The following LPA variants were observed in gnomAD, a reference collection of about 807,000 sequenced individuals.
The protein encoded by LPA is apolipoprotein(a).
In LPA, 199 loss-of-function variants were observed where a neutral mutation model predicts 197.9. That is an observed-to-expected ratio of 1.01 (90% CI 0.90 to 1.13). The LOEUF (loss-of-function observed/expected upper bound fraction) is 1.13. Among genes scored for constraint, LPA ranks in the 50% most tolerant of loss-of-function variants. The pLI, the probability that LPA is intolerant of heterozygous loss-of-function variation, is 0.00. For synonymous variants in LPA, 715 were observed against 639.5 expected, an observed-to-expected ratio of 1.12 and a Z score of -1.78; for missense variants, 1,853 against 1,785.8, an observed-to-expected ratio of 1.04 and a Z score of -0.68.
At chr6:160,615,364 G>T (rs1411933992) in intron 14 of LPA, among the ~76,000 whole-genome samples, 2 of 137,388 alleles carry the variant, frequency 1.5e-5, no homozygotes, top group Non-Finnish European at 1.6e-5. Flanking sequence ...GTGTGTGTGT[G>T]TGTGTGTGTG....
chr6:160,604,096 G>A (rs1779297512), intron 18 of LPA, among the ~76,000 whole-genome samples: 1 of 152,092 alleles, frequency 6.6e-6, no homozygotes, highest in African/African-American at 2.4e-5. Context: ...CCAAAGATTC[G>A]AGGAGACTAC....
intron 28 of LPA, 81 bp from the exon 29 acceptor site, chr6:160,557,652 AC>A: frequency 7.8e-7 from 1 of 1,273,976 alleles, no homozygotes; most frequent in Admixed American, 1.7e-5. Flanking sequence ...CTTTGTTATA[AC>A]AAAGTGTTAA....
chr6:160,610,886 C>A lies in LPA; in HGVS notation c.2603+676G>T, dbSNP rs542339070. 1.6e-4 allele frequency among the ~76,000 whole-genome samples: 25 copies of A among 152,268 alleles called. No homozygotes were observed. In the South Asian group the frequency reaches 2.1e-3, roughly 13 times the overall value. ...CCATCTGTTGTCCCACATGTAGAAACCATTTTTCCATGTCTTTGGTTGTTG... is the reference window on the plus strand; with the variant it reads ...CCATCTGTTGTCCCACATGTAGAAAACATTTTTCCATGTCTTTGGTTGTTG... On this transcript the variant is annotated intron_variant, in intron 16 of 38. Coordinates refer to ENST00000316300, the MANE Select transcript of LPA (RefSeq NM_005577.4).
intron 37 of LPA, among the ~76,000 whole-genome samples, chr6:160,535,370 G>A (rs1371181217): frequency 1.6e-5 from 2 of 127,330 alleles, no homozygotes; most frequent in African/African-American, 5.9e-5. Flanking sequence ...TGGTAATGAT[G>A]ATGGTGGTGG....
At chr6:160,542,955 T>C in intron 33 of LPA, 147 bp from the exon 34 acceptor site, 1 of 1,155,046 alleles carries the variant, frequency 8.7e-7, no homozygotes, top group Non-Finnish European at 1.2e-6. Flanking sequence ...TAGATTTTTC[T>C]TTCTAAGTTT....
chr6:160,578,108 C>T (rs1378467604), intron 27 of LPA, among the ~76,000 whole-genome samples: 1 of 152,146 alleles, frequency 6.6e-6, no homozygotes, highest in Non-Finnish European at 1.5e-5. Flanking sequence ...ATATCATACT[C>T]AAAGGCCATG....
intron 19 of LPA, among the ~76,000 whole-genome samples, chr6:160,600,142 G>A (rs577797924): frequency 6.6e-6 from 1 of 152,290 alleles, no homozygotes; most frequent in East Asian, 1.9e-4. Flanking sequence ...TGGTGATGGG[G>A]CAGACAACAG....
chr6:160,537,891 T>C lies in LPA; in HGVS notation c.5806A>G (p.Thr1936Ala). ...CCCCAGCCAGTGATGTAACATTCAGTCCTGGCGGTGACCATGTAGTCTGGG... is the reference window on the plus strand; with the variant it reads ...CCCCAGCCAGTGATGTAACATTCAGCCCTGGCGGTGACCATGTAGTCTGGG... The part of the protein sequence containing the change: ...PSPDYMVTAR[T>A]ECYITGWGET... Residue 1936 changes from threonine (T) to alanine (A), a missense_variant, in exon 37 of 39, where the codon ACT becomes GCT. Coordinates refer to ENST00000316300, the MANE Select transcript of LPA (RefSeq NM_005577.4). 1 of 1,614,226 alleles carries C rather than the reference T, an allele frequency of 6.2e-7. No homozygotes were observed.
chr6:160,600,870 T>C (rs771935615), intron 19 of LPA, 47 bp downstream of exon 19: 13 of 1,603,090 alleles, frequency 8.1e-6, no homozygotes, highest in Middle Eastern at 2.3e-4. Flanking sequence ...ATCCATGGCT[T>C]TTCATCCCAG....
chr6:160,652,601 A>G (rs1490230700), intron 1 of LPA, among the ~76,000 whole-genome samples: 1 of 152,146 alleles, frequency 6.6e-6, no homozygotes, highest in Non-Finnish European at 1.5e-5. Flanking sequence ...TCTACTGTAA[A>G]AGATAAGGAG....
At chr6:160,615,351 T>TG (rs1779575136) in intron 14 of LPA, among the ~76,000 whole-genome samples, 2 of 117,646 alleles carry the variant, frequency 1.7e-5, no homozygotes, top group African/African-American at 6.1e-5. Flanking sequence ...GTGTTTTCAG[T>TG]TTGTGTGTGT....
chr6:160,658,906 G>C (rs2115111092), intron 1 of LPA, among the ~76,000 whole-genome samples: 1 of 151,784 alleles, frequency 6.6e-6, no homozygotes, highest in Admixed American at 6.6e-5. Flanking sequence ...GAGAGAGAGA[G>C]AGAGTATATG....
intron 30 of LPA, among the ~76,000 whole-genome samples, chr6:160,554,228 T>C (rs1778218420): frequency 6.6e-6 from 1 of 152,220 alleles, no homozygotes; most frequent in Non-Finnish European, 1.5e-5. Context: ...TTTAATTTCT[T>C]TGTCAATTCC....
intron 16 of LPA, among the ~76,000 whole-genome samples, chr6:160,607,370 C>T (rs1278961783): frequency 2.6e-5 from 4 of 152,158 alleles, no homozygotes; most frequent in Non-Finnish European, 4.4e-5. Context: ...GCAGGACCTT[C>T]TCTCCTGCTC....
chr6:160,536,087 C>T (rs1240561177), intron 37 of LPA, among the ~76,000 whole-genome samples: 1 of 152,164 alleles, frequency 6.6e-6, no homozygotes, highest in East Asian at 1.9e-4. Context: ...AGGACTGTGA[C>T]CCAAGTTTGA....
At chr6:160,564,199 T>C (rs569312676) in intron 28 of LPA, among the ~76,000 whole-genome samples, 1 of 152,306 alleles carries the variant, frequency 6.6e-6, no homozygotes, top group African/African-American at 2.4e-5. Context: ...GCAGTAGCTG[T>C]TACTGGTTTT....
chr6:160,549,039 G>C (rs1583571483), intron 30 of LPA, among the ~76,000 whole-genome samples: 2 of 152,272 alleles, frequency 1.3e-5, no homozygotes, highest in East Asian at 3.9e-4. Context: ...GGGAGAAACA[G>C]GCACCTTCTT....
rs559589120 is a variant in LPA, at chr6:160,657,904, A to C, written c.49+6262T>G. ...AAGCAGTTCTTTTAGAGTATAATGC[A>C]CCTCCTCATGGGTCACACTCTGAAC... On this transcript the variant is annotated intron_variant, in intron 1 of 38. Transcript: ENST00000316300. 4.6e-5 allele frequency among the ~76,000 whole-genome samples: 7 copies of C among 152,224 alleles called. No individual in the cohort carries two copies. The East Asian group carries it at 1.4e-3, about 29-fold the overall frequency.
intron 28 of LPA, among the ~76,000 whole-genome samples, chr6:160,575,879 A>C (rs76852953): frequency 6.6e-6 from 1 of 152,090 alleles, no homozygotes; most frequent in African/African-American, 2.4e-5. Flanking sequence ...GTAGCTCTTT[A>C]TCTCCACAAA....
Sources: gnomAD v4.1 joint callset for allele counts (sites outside exome capture counted in the v4.1 genomes callset) on GRCh38, gnomAD v4.1.1 for gene constraint, MANE v1.5 for transcripts, NCBI Gene and HGNC (gene_info 2026-07-23, HGNC 2026-07-21) for gene names.